The following NBEA variants were observed in gnomAD, a reference collection of about 807,000 sequenced individuals.
NBEA encodes the protein neurobeachin.
A neutral mutation model predicts 343.4 loss-of-function variants in NBEA; 44 were observed. The observed-to-expected ratio is 0.13, with a 90% CI of 0.10 to 0.16. The LOEUF is 0.16. Ranked by LOEUF, NBEA falls within the 10% of genes least tolerant of loss-of-function variation. The pLI, the probability that NBEA is intolerant of heterozygous loss-of-function variation, is 1.00. For synonymous variants in NBEA, 1,175 were observed against 1,238.7 expected (o/e 0.95, Z 1.08); for missense variants, 2,555 against 3,631.3 (o/e 0.70, Z 7.62).
intron 48 of NBEA, among the ~76,000 whole-genome samples, chr13:35,625,199 G>T (rs74600924): frequency 0.07 from 10,728 of 152,180 alleles, 466 homozygotes; most frequent in East Asian, 0.2. Flanking sequence ...TTTAAAACAT[G>T]ATTTGATGAT....
chr13:35,544,087 A>T (rs2078957339), intron 41 of NBEA, among the ~76,000 whole-genome samples: 1 of 152,216 alleles, frequency 6.6e-6, no homozygotes, highest in Non-Finnish European at 1.5e-5. Flanking sequence ...TTCCAAATTT[A>T]TATGAAATTA....
At chr13:35,207,081 C>T (rs1179547425) in intron 31 of NBEA, among the ~76,000 whole-genome samples, 1 of 151,826 alleles carries the variant, frequency 6.6e-6, no homozygotes, top group Non-Finnish European at 1.5e-5. Context: ...ATGAGTAAAA[C>T]TATTTAAGAT....
At chr13:35,050,772 AT>A (rs143312419) in intron 6 of NBEA, among the ~76,000 whole-genome samples, 5 of 151,756 alleles carry the variant, frequency 3.3e-5, no homozygotes, top group East Asian at 1.9e-4. Context: ...GCACAGACAC[AT>A]TTTTTTTGTG....
In NBEA at chr13:35,462,192, T is replaced by A. The variant is rs1011125101; in HGVS notation, c.6448+9957T>A. On this transcript the variant is annotated intron_variant, in intron 40 of 58. Transcript: ENST00000379939. ...ACTCTATGTAAGACATAATGGTGAGTGCTTAGAGTAAAAAGACACATATGA... is the reference window on the plus strand; with the variant it reads ...ACTCTATGTAAGACATAATGGTGAGAGCTTAGAGTAAAAAGACACATATGA... Among the ~76,000 whole-genome samples the A allele has an allele frequency of 2.0e-5, 3 of 152,056 alleles. No homozygotes were observed. In the East Asian group the frequency reaches 5.8e-4, roughly 29 times the overall value.
intron 34 of NBEA, among the ~76,000 whole-genome samples, chr13:35,272,768 A>G (rs2034266925): frequency 6.6e-6 from 1 of 152,222 alleles, no homozygotes; most frequent in Non-Finnish European, 1.5e-5. Context: ...GAAGGCCATT[A>G]TATAATGGTA....
chr13:35,133,665 T>C (rs2067552621), intron 17 of NBEA, among the ~76,000 whole-genome samples: 1 of 151,958 alleles, frequency 6.6e-6, no homozygotes, highest in South Asian at 2.1e-4. Flanking sequence ...ACAAATCAAA[T>C]ATAAAGCAGT....
rs867070350 is a variant in NBEA, at chr13:35,155,855, A to G, written c.2527A>G (p.Met843Val). 26 of 1,609,474 alleles carry G rather than the reference A, an allele frequency of 1.6e-5. No homozygotes were observed. The highest frequency in any genetic ancestry group is 2.1e-5 in the Non-Finnish European group (25 of 1,175,858). Reference sequence around the variant, plus strand: ...TTCTACAGTGAAAATTCAGAATCCAAGTGAGCAAATGGCAGTTCTTTACTG... The same window carrying G: ...TTCTACAGTGAAAATTCAGAATCCAGGTGAGCAAATGGCAGTTCTTTACTG... ...PDSTVKIQNP[M>V]ILKVVATLLK... Residue 843 changes from methionine to valine, a missense_variant and splice_region_variant, in exon 19 of 59, where the codon ATG (methionine) becomes GTG (valine). Met to Val is a conservative substitution (Grantham distance 21, BLOSUM62 1). This residue lies in a region of NBEA where 360 missense variants were observed against 519.1 expected (regional missense o/e 0.69). Coordinates refer to ENST00000379939, the MANE Select transcript of NBEA (RefSeq NM_001385012.1).
intron 10 of NBEA, among the ~76,000 whole-genome samples, chr13:35,082,239 A>G (rs2064449990): frequency 6.6e-6 from 1 of 152,168 alleles, no homozygotes; most frequent in African/African-American, 2.4e-5. Flanking sequence ...CCTACAAAGG[A>G]CATGAACTCA....
intron 10 of NBEA, among the ~76,000 whole-genome samples, chr13:35,073,044 A>G (rs1180013744): frequency 2.6e-5 from 4 of 152,112 alleles, no homozygotes; most frequent in African/African-American, 9.7e-5. Flanking sequence ...GGTACAGACA[A>G]TTGTGTGGAT....
intron 56 of NBEA, among the ~76,000 whole-genome samples, chr13:35,666,621 AC>A (rs1270134819): frequency 6.6e-6 from 1 of 152,172 alleles, no homozygotes; most frequent in Non-Finnish European, 1.5e-5. Flanking sequence ...AAAAATAAAC[AC>A]GTAATTCATA....
chr13:35,124,597 G>GAT (rs969207356), intron 17 of NBEA, among the ~76,000 whole-genome samples: 2 of 146,866 alleles, frequency 1.4e-5, no homozygotes, highest in Admixed American at 6.8e-5. Context: ...CACATATATG[G>GAT]ATATATATAC....
At chr13:35,040,517 A>T (rs79248135) in intron 1 of NBEA, among the ~76,000 whole-genome samples, 1,748 of 151,820 alleles carry the variant, frequency 0.012, 31 homozygotes, top group African/African-American at 0.041. Context: ...TGCCCCAGTT[A>T]TATCTCTTTG....
chr13:35,303,632 T>C (rs1029877152), intron 35 of NBEA, among the ~76,000 whole-genome samples: 4 of 152,178 alleles, frequency 2.6e-5, no homozygotes, highest in African/African-American at 9.7e-5. Flanking sequence ...TTCTGAAGAA[T>C]TAACTGTTCT....
At chr13:35,142,142 A>G in intron 17 of NBEA, 127 bp from the exon 18 acceptor site, 1 of 503,034 alleles carries the variant, frequency 2.0e-6, no homozygotes, top group Non-Finnish European at 3.5e-6. Flanking sequence ...TATAGATGGA[A>G]GTTCATGAAA....
chr13:35,417,423 C>T (rs988422604), intron 38 of NBEA, among the ~76,000 whole-genome samples: 1 of 152,132 alleles, frequency 6.6e-6, no homozygotes, highest in African/African-American at 2.4e-5. Flanking sequence ...CCCCGAGATT[C>T]TGCTATGTTG....
At chr13:35,662,231 A>T (rs1195557563) in intron 55 of NBEA, among the ~76,000 whole-genome samples, 1 of 152,338 alleles carries the variant, frequency 6.6e-6, no homozygotes, top group East Asian at 1.9e-4. Context: ...ATGCATGTCT[A>T]TAAGGAATCT....
intron 41 of NBEA, among the ~76,000 whole-genome samples, chr13:35,531,884 T>A (rs1419130112): frequency 6.6e-6 from 1 of 152,218 alleles, no homozygotes; most frequent in Non-Finnish European, 1.5e-5. Flanking sequence ...CTCACTTCTT[T>A]TTTCAGCTTT....
At chr13:35,288,809 T>C (rs1004074856) in intron 34 of NBEA, among the ~76,000 whole-genome samples, 3 of 151,952 alleles carry the variant, frequency 2.0e-5, no homozygotes, top group Non-Finnish European at 4.4e-5. Context: ...CCTTTGGCCT[T>C]TTACTTGTTT....
In NBEA at chr13:35,670,379, A is replaced by G. The variant is rs530843228; in HGVS notation, c.8814-522A>G. On this transcript the variant is annotated intron_variant, in intron 58 of 58. Coordinates refer to ENST00000379939, the MANE Select transcript of NBEA (RefSeq NM_001385012.1). ...ATGTTGAATCTGAGGGTTTTGTGAC[A>G]CAGCCTGGCAGTGACCTCCACTTGG... Among the ~76,000 whole-genome samples the G allele has an allele frequency of 5.9e-5, 9 of 152,332 alleles. No homozygotes were observed. In the South Asian group the frequency reaches 8.3e-4, roughly 14 times the overall value.
Sources: allele counts gnomAD v4.1 joint callset (sites outside exome capture counted in the v4.1 genomes callset), GRCh38; gene constraint gnomAD v4.1.1; regional missense constraint gnomAD v4.1.1; transcripts MANE v1.5; gene names NCBI Gene and HGNC (gene_info 2026-07-23, HGNC 2026-07-21).